Variants in ZBED1 observed in about 807,000 individuals in gnomAD.
The protein encoded by ZBED1 is E3 SUMO-protein ligase ZBED1.
A neutral mutation model predicts 49.7 loss-of-function variants in ZBED1; 19 were observed. The observed-to-expected ratio is 0.38, with a 90% CI of 0.27 to 0.56. The LOEUF (loss-of-function observed/expected upper bound fraction) is 0.56, where lower values mean the gene tolerates loss of function less well. ZBED1 is among the 20% of genes least tolerant of loss of function. The pLI is 0.70. For synonymous variants in ZBED1, 439 were observed against 440.3 expected (o/e 1.00, Z 0.04); for missense variants, 806 against 972.6 (o/e 0.83, Z 2.28).
Position 2,493,021 on chromosome X carries a change from C to T in ZBED1, c.-53-2249G>A, listed in dbSNP as rs368386277. Among the ~76,000 whole-genome samples the T allele has an allele frequency of 4.6e-3, 704 of 152,324 alleles. 4 individuals are homozygous for T. The highest frequency in any genetic ancestry group is 0.016 in the African/African-American group (684 of 41,574). ...CGCCCAGTGCTTTTTAGGGAGACGC[C>T]GCCACGTGCCAGGTGAGCTGGGCAT... On this transcript the variant is annotated intron_variant, in intron 1 of 1. Transcript: ENST00000652001.
At chrX:2,493,879 C>T (rs1342085553) in intron 1 of ZBED1, among the ~76,000 whole-genome samples, 2 of 151,882 alleles carry the variant, frequency 1.3e-5, no homozygotes, top group Non-Finnish European at 2.9e-5. Flanking sequence ...GGCTGAGGCA[C>T]GAGAATCGTT....
In ZBED1 at chrX:2,488,452, G is replaced by A. The variant is rs1603169161; in HGVS notation, c.*183C>T. On this transcript the variant is annotated 3_prime_UTR_variant, in exon 2 of 2. Coordinates refer to ENST00000652001, the MANE Select transcript of ZBED1 (RefSeq NM_001171136.2). Reference sequence around the variant, plus strand: ...GGCCTCCCAAAGTGCTGCGATTATAGACAGGAGCCACCGCCCCCGACCCTC... The same window carrying A: ...GGCCTCCCAAAGTGCTGCGATTATAAACAGGAGCCACCGCCCCCGACCCTC... 2 of 786,606 alleles carry A rather than the reference G, an allele frequency of 2.5e-6. No individual in the cohort carries two copies. The highest frequency in any genetic ancestry group is 3.8e-4 in the Middle Eastern group (1 of 2,618). The allele number at this position is 786,606 out of a possible 1,614,324, so 48.7% of individuals were successfully genotyped here. A position where few individuals can be genotyped will look rare whatever the true frequency, so the allele number is the denominator to read the frequency against.
chrX:2,493,830 G>A (rs1180410910), intron 1 of ZBED1, among the ~76,000 whole-genome samples: 10 of 152,062 alleles, frequency 6.6e-5, no homozygotes, highest in African/African-American at 2.2e-4. Context: ...TTAGCCGGGC[G>A]TGGTAGTGGC....
chrX:2,488,816 C>A lies in ZBED1; in HGVS notation c.1904G>T (p.Arg635Leu), dbSNP rs779419988. ...CTCGTCCACGTGCGCGGGAGCCAGC[C>A]GGTTCCTCTTGGCGCTGACCACGTT... ...AANVVSAKRN[R>L]LAPAHVDEQV... Residue 635 changes from arginine (R) to leucine (L), a missense_variant, in exon 2 of 2, where the codon CGG (arginine) becomes CTG (leucine). Physicochemically the swap from Arg to Leu is moderately radical, Grantham distance 102 (BLOSUM62 -2). Around this residue, in one of 2 missense-constraint regions of ZBED1, gnomAD observed 749 missense variants for 861.3 expected, o/e 0.87. Transcript: ENST00000652001. The A allele has an allele frequency of 2.7e-5, 44 of 1,613,790 alleles. No homozygotes were observed. Among genetic ancestry groups the A allele is most frequent in the Non-Finnish European group, 3.6e-5 (42 of 1,179,864 alleles).
intron 1 of ZBED1, among the ~76,000 whole-genome samples, chrX:2,491,082 T>A (rs1796885040): frequency 6.7e-6 from 1 of 150,308 alleles, no homozygotes; most frequent in African/African-American, 2.4e-5. Flanking sequence ...TTTTTTTTTT[T>A]TTTTTGAGAC....
At position 2,490,387 on chromosome X, in the gene ZBED1, G is replaced by C; in HGVS notation, c.333C>G (p.Ala111=). 1 of 1,613,778 alleles carries C rather than the reference G, an allele frequency of 6.2e-7. No individual in the cohort carries two copies. The highest frequency in any genetic ancestry group is 1.1e-5 in the South Asian group (1 of 91,062). ...TGTCGTAGCCGTGGCCGGCCTTGACGGCCAGCGCGTCCTGCCCGGGCTGCT... is the reference window on the plus strand; with the variant it reads ...TGTCGTAGCCGTGGCCGGCCTTGACCGCCAGCGCGTCCTGCCCGGGCTGCT... ...SSQQPGQDAL[A]VKAGHGYDSK... Residue 111 remains alanine (A), a synonymous_variant, in exon 2 of 2, where the codon GCC becomes GCG. Transcript: ENST00000652001.
At chrX:2,495,256 A>C (rs1240780214) in intron 1 of ZBED1, among the ~76,000 whole-genome samples, 2 of 151,526 alleles carry the variant, frequency 1.3e-5, no homozygotes, top group Non-Finnish European at 1.5e-5. Context: ...GACGTGAAGC[A>C]AAGGTTTATA....
intron 1 of ZBED1, 153 bp downstream of exon 1, chrX:2,500,664 C>CACCCCA (rs2045403062): frequency 7.7e-6 from 1 of 129,836 alleles, no homozygotes; most frequent in Non-Finnish European, 1.7e-5. Flanking sequence ...GCCCCCCCCC[C>CACCCCA]ACCCCCGGCC....
chrX:2,500,920 C>G lies in ZBED1; in HGVS notation c.-157G>C. ...GGGCCGCCCGCGCCGCAGACAATGG[C>G]GACATGGCTGCCCCGGCCGCGCCGC... On this transcript the variant is annotated 5_prime_UTR_variant, in exon 1 of 2. Coordinates refer to ENST00000652001, the MANE Select transcript of ZBED1 (RefSeq NM_001171136.2). 2.7e-6 allele frequency: 3 copies of G among 1,092,146 alleles called. No individual in the cohort carries two copies. The highest frequency in any genetic ancestry group is 3.3e-6 in the Non-Finnish European group (3 of 899,006). 67.7% of individuals were successfully genotyped at this position (1,092,146 alleles called of 1,614,324 possible).
chrX:2,497,257 G>C (rs1206758597), intron 1 of ZBED1, among the ~76,000 whole-genome samples: 2 of 152,164 alleles, frequency 1.3e-5, no homozygotes, highest in Non-Finnish European at 2.9e-5. Flanking sequence ...GCCAGGCATG[G>C]TGGCACATGC....
chrX:2,491,404 TC>T (rs1460883155), intron 1 of ZBED1, among the ~76,000 whole-genome samples: 1 of 152,106 alleles, frequency 6.6e-6, no homozygotes, highest in African/African-American at 2.4e-5. Context: ...GGCTTGTTGT[TC>T]CTGTCCTAAG....
At chrX:2,492,655 G>A (rs2045182882) in intron 1 of ZBED1, among the ~76,000 whole-genome samples, 1 of 151,464 alleles carries the variant, frequency 6.6e-6, no homozygotes, top group Non-Finnish European at 1.5e-5. Context: ...CAGACACAGA[G>A]AAGGCCACAT....
rs141579040 is a variant in ZBED1 at position 2,488,939 on chromosome X, C to T, written c.1781G>A (p.Arg594His). ...GGGCAGCAGGGGGAAGAGGGCCAGGCGGTCTGACCACCACTTGAGGGGGTC... is the reference window on the plus strand; with the variant it reads ...GGGCAGCAGGGGGAAGAGGGCCAGGTGGTCTGACCACCACTTGAGGGGGTC... ...NEDPLKWWSD[R>H]LALFPLLPKV... Residue 594 changes from arginine (R) to histidine (H), a missense_variant, in exon 2 of 2, where the codon CGC (arginine) becomes CAC (histidine). By Grantham distance (29) the Arg-to-His change is conservative (BLOSUM62 0). Coordinates refer to ENST00000652001, the MANE Select transcript of ZBED1 (RefSeq NM_001171136.2). The T allele has an allele frequency of 1.3e-6, 2 of 1,597,360 alleles. No homozygotes were observed. Among genetic ancestry groups the T allele is most frequent in the Non-Finnish European group, 1.7e-6 (2 of 1,170,618 alleles).
rs753948973 is a variant in ZBED1, at chrX:2,490,168, G to C, written c.552C>G (p.Ile184Met). Residue 184 changes from isoleucine to methionine, a missense_variant, in exon 2 of 2, where the codon ATC (isoleucine) becomes ATG (methionine). This residue lies in a region of ZBED1 where 749 missense variants were observed against 861.3 expected (regional missense o/e 0.87). Transcript: ENST00000652001. ...PEKYGAVREV[I>M]LKELAEATWC... ...AGGTGGCCTCGGCCAGCTCCTTCAG[G>C]ATCACCTCCCGGACGGCCCCGTACT... 4 of 1,613,970 alleles carry C rather than the reference G, an allele frequency of 2.5e-6. No individual in the cohort carries two copies. Among genetic ancestry groups the C allele is most frequent in the Non-Finnish European group, 3.4e-6 (4 of 1,179,870 alleles).
Position 2,488,918 on chromosome X carries a change from A to G in ZBED1, c.1802T>C (p.Leu601Pro). ...CCAGTACTTCTGCAGCACCTTGGGC[A>G]GCAGGGGGAAGAGGGCCAGGCGGTC... ...WSDRLALFPLLPKVLQKYWCV... is the reference protein window; with the variant it reads ...WSDRLALFPLPPKVLQKYWCV... Residue 601 changes from leucine (L) to proline (P), a missense_variant, in exon 2 of 2, where the codon CTG becomes CCG. Coordinates refer to ENST00000652001, the MANE Select transcript of ZBED1 (RefSeq NM_001171136.2). 2 of 1,603,142 alleles carry G rather than the reference A, an allele frequency of 1.2e-6. No individual in the cohort carries two copies. Among genetic ancestry groups the G allele is most frequent in the Non-Finnish European group, 1.7e-6 (2 of 1,173,458 alleles).
chrX:2,499,503 C>T (rs1484438759), intron 1 of ZBED1, among the ~76,000 whole-genome samples: 1 of 152,208 alleles, frequency 6.6e-6, no homozygotes, highest in Admixed American at 6.5e-5. Context: ...GGCACAGTGG[C>T]GCTCTGTCTG....
In ZBED1 at chrX:2,490,398, C is replaced by G; in HGVS notation, c.322G>C (p.Asp108His). The G allele has an allele frequency of 6.2e-7, 1 of 1,613,876 alleles. No homozygotes were observed. Among genetic ancestry groups the G allele is most frequent in the Non-Finnish European group, 8.5e-7 (1 of 1,179,848 alleles). ...TGGCCGGCCTTGACGGCCAGCGCGT[C>G]CTGCCCGGGCTGCTGGGACGACTCG... is the stretch of plus-strand genomic sequence containing the variant. ...KPESSQQPGQ[D>H]ALAVKAGHGY... is the part of the protein sequence containing the mutation. Residue 108 changes from aspartate (D) to histidine (H), a missense_variant, in exon 2 of 2, where the codon GAC (aspartate) becomes CAC (histidine). This residue lies in a region of ZBED1 where 749 missense variants were observed against 861.3 expected (regional missense o/e 0.87). Transcript: ENST00000652001.
At chrX:2,490,861 G>A (rs1368274812) in intron 1 of ZBED1, 89 bp from the exon 2 acceptor site, 12 of 1,234,238 alleles carry the variant, frequency 9.7e-6, no homozygotes, top group Non-Finnish European at 1.2e-5. Flanking sequence ...TGCCGGGGCA[G>A]CTCCGCTTTC....
chrX:2,494,007 G>A (rs1401745476), intron 1 of ZBED1, among the ~76,000 whole-genome samples: 1 of 151,428 alleles, frequency 6.6e-6, no homozygotes, highest in Non-Finnish European at 1.5e-5. Context: ...AGATATATAT[G>A]CTATTATTAC....
Sources: gnomAD v4.1 joint callset for allele counts (sites outside exome capture counted in the v4.1 genomes callset) on GRCh38, gnomAD v4.1.1 for gene constraint, gnomAD v4.1.1 regional missense constraint, MANE v1.5 for transcripts, NCBI Gene and HGNC (gene_info 2026-07-23, HGNC 2026-07-21) for gene names.